The following TRAF3 variants were observed in gnomAD, a reference collection of about 807,000 sequenced individuals.
TRAF3 encodes the protein TNF receptor-associated factor 3.
In TRAF3, 13 loss-of-function variants were observed where a neutral mutation model predicts 62.3. That is an observed-to-expected ratio of 0.21 (90% CI 0.14 to 0.33). The LOEUF is 0.33. Ranked by LOEUF, TRAF3 falls within the 10% of genes least tolerant of loss-of-function variation. TRAF3 has a pLI of 1.00. For missense variants in TRAF3, 440 were observed against 741.8 expected, an observed-to-expected ratio of 0.59 and a Z score of 4.73; for synonymous variants, 269 against 283.4, an observed-to-expected ratio of 0.95 and a Z score of 0.51.
At position 102,905,718 on chromosome 14, in the gene TRAF3, A is replaced by G. The variant is rs1172689862; in HGVS notation, c.1641A>G (p.Thr547=). The G allele has an allele frequency of 1.2e-6, 2 of 1,612,488 alleles. No individual in the cohort carries two copies. The highest frequency in any genetic ancestry group is 3.3e-5 in the Admixed American group (2 of 59,932). ...FVAQTVLENG[T]YIKDDTIFIK... is the part of the protein sequence containing the mutation. ...CCCAAACTGTTCTAGAAAATGGGAC[A>G]TATATTAAAGATGATACAATTTTTA... Residue 547 remains threonine, a synonymous_variant, in exon 12 of 12, where the codon ACA becomes ACG. Transcript: ENST00000392745.
In TRAF3 at chr14:102,896,059, G is replaced by A. The variant is rs11627755; in HGVS notation, c.820-1202G>A. Among the ~76,000 whole-genome samples the A allele has an allele frequency of 7.2e-5, 11 of 152,278 alleles. 1 individual carries two copies. The highest frequency in any genetic ancestry group is 6.8e-3 in the Middle Eastern group (2 of 294). On this transcript the variant is annotated intron_variant, in intron 9 of 11. Transcript: ENST00000392745. Reference sequence around the variant, plus strand: ...GAAATAATTTAGTAGGTTGTGACCAGCATTGTTTATATTTATGGGGTACAG... The same window carrying A: ...GAAATAATTTAGTAGGTTGTGACCAACATTGTTTATATTTATGGGGTACAG...
intron 1 of TRAF3, among the ~76,000 whole-genome samples, chr14:102,786,966 C>T (rs1897536069): frequency 6.6e-6 from 1 of 152,170 alleles, no homozygotes; most frequent in African/African-American, 2.4e-5. Flanking sequence ...CATACTTCCG[C>T]ACTTTAGCCT....
chr14:102,903,472 C>T lies in TRAF3; in HGVS notation c.1135+43C>T. On this transcript the variant is annotated intron_variant, in intron 11 of 11. Coordinates refer to ENST00000392745, the MANE Select transcript of TRAF3 (RefSeq NM_145725.3). This position sits in a 1 kb window ranked among gnomAD's most constrained non-coding sequence, Gnocchi z 6.4. The stretch of plus-strand genomic sequence containing the variant: ...GCCGGGCCAGCAGTGTGCATCTGGG[C>T]CCCGGGCGAGTGCTGGGGCGGGGTC... The T allele has an allele frequency of 1.2e-6, 2 of 1,612,048 alleles. No individual in the cohort carries two copies. Among genetic ancestry groups the T allele is most frequent in the African/African-American group, 1.3e-5 (1 of 75,028 alleles).
chr14:102,797,257 C>G (rs894032648), intron 1 of TRAF3, among the ~76,000 whole-genome samples: 3 of 152,166 alleles, frequency 2.0e-5, no homozygotes, highest in Non-Finnish European at 2.9e-5. Flanking sequence ...GTCACTCAGG[C>G]TTGGAGTGAA....
Position 102,833,994 on chromosome 14 carries a change from G to A in TRAF3, c.-18+3522G>A, listed in dbSNP as rs200242786. Reference sequence around the variant, plus strand: ...ACAAAGCTAGACTTTGTCTCGGGGGGAAAAAAAAGAATATTTGGGCGTGCA... The same window carrying A: ...ACAAAGCTAGACTTTGTCTCGGGGGAAAAAAAAAGAATATTTGGGCGTGCA... On this transcript the variant is annotated intron_variant, in intron 2 of 11. Transcript: ENST00000392745. Among the ~76,000 whole-genome samples the A allele has an allele frequency of 1.3e-4, 19 of 150,106 alleles. 1 individual carries two copies. The highest frequency in any genetic ancestry group is 3.9e-4 in the African/African-American group (16 of 40,618).
At chr14:102,837,159 G>T (rs1423049898) in intron 2 of TRAF3, among the ~76,000 whole-genome samples, 3 of 150,484 alleles carry the variant, frequency 2.0e-5, no homozygotes. Flanking sequence ...TTGGGGGGGG[G>T]TGAAGGTCTT....
chr14:102,887,656 G>T (rs966901771), intron 7 of TRAF3, among the ~76,000 whole-genome samples: 1 of 151,904 alleles, frequency 6.6e-6, no homozygotes, highest in Non-Finnish European at 1.5e-5. Context: ...GTGCAGTGGC[G>T]TGATCTCGGC....
rs535949004 is a variant in TRAF3 at position 102,803,541 on chromosome 14, G to A, written c.-157+25866G>A. On this transcript the variant is annotated intron_variant, in intron 1 of 11. Coordinates refer to ENST00000392745, the MANE Select transcript of TRAF3 (RefSeq NM_145725.3). The stretch of plus-strand genomic sequence containing the variant: ...AAAATTTAGCAGTTTTAGTTATCTA[G>A]GACTATAATGGAGGTTAAGTTGGCC... Among the ~76,000 whole-genome samples, 5 of 152,208 alleles carry A rather than the reference G, an allele frequency of 3.3e-5. No individual in the cohort carries two copies. The South Asian group carries it at 1.0e-3, about 32-fold the overall frequency.
At chr14:102,885,931 G>C (rs868052155) in intron 6 of TRAF3, among the ~76,000 whole-genome samples, 11 of 152,148 alleles carry the variant, frequency 7.2e-5, no homozygotes, top group Admixed American at 2.0e-4. Context: ...CTTGTGGCGA[G>C]GCCCCCACCA....
In TRAF3 at chr14:102,826,856, G is replaced by T. The variant is rs969185479; in HGVS notation, c.-156-3478G>T. 6.6e-6 allele frequency among the ~76,000 whole-genome samples: 1 copy of T among 152,170 alleles called. No homozygotes were observed. The highest frequency in any genetic ancestry group is 2.4e-5 in the African/African-American group (1 of 41,452). On this transcript the variant is annotated intron_variant, in intron 1 of 11. Coordinates refer to ENST00000392745, the MANE Select transcript of TRAF3 (RefSeq NM_145725.3). The surrounding 1 kb of genome is among the most constrained non-coding windows in gnomAD (Gnocchi z 4.6). ...TACTTATGGGTGGCGGCGTGGTGAG[G>T]TCGCACAACACAGAGCTGCCCTGCT...
At chr14:102,858,382 A>G (rs988926554) in intron 2 of TRAF3, among the ~76,000 whole-genome samples, 3 of 152,020 alleles carry the variant, frequency 2.0e-5, no homozygotes, top group Non-Finnish European at 2.9e-5. Context: ...CGAACTCCCA[A>G]CCTCAGGTGA....
intron 2 of TRAF3, among the ~76,000 whole-genome samples, chr14:102,847,680 A>G (rs1336338587): frequency 6.6e-6 from 1 of 152,160 alleles, no homozygotes; most frequent in African/African-American, 2.4e-5. Flanking sequence ...ATGCCACTAA[A>G]AAACTTAATT....
chr14:102,812,905 C>T (rs1173374218), intron 1 of TRAF3, among the ~76,000 whole-genome samples: 2 of 151,514 alleles, frequency 1.3e-5, no homozygotes, highest in East Asian at 2.0e-4. Context: ...GGCGAAAGAG[C>T]GAGACTCCGT....
intron 9 of TRAF3, among the ~76,000 whole-genome samples, chr14:102,895,702 C>G (rs939582852): frequency 6.6e-6 from 1 of 152,194 alleles, no homozygotes; most frequent in Non-Finnish European, 1.5e-5. Context: ...AAGAAACCCT[C>G]GTTGGAGTTA....
chr14:102,842,014 GT>G (rs1180352398), intron 2 of TRAF3, among the ~76,000 whole-genome samples: 1 of 152,106 alleles, frequency 6.6e-6, no homozygotes, highest in Non-Finnish European at 1.5e-5. Flanking sequence ...GGAGGCTGAG[GT>G]GGGCAGATCA....
In TRAF3 at chr14:102,876,372, T is replaced by C; in HGVS notation, c.417T>C (p.Asn139=). The C allele has an allele frequency of 6.2e-7, 1 of 1,614,188 alleles. No homozygotes were observed. The highest frequency in any genetic ancestry group is 8.5e-7 in the Non-Finnish European group (1 of 1,180,012). The change falls in exon 6 of 12, where the codon AAT becomes AAC. Residue 139 remains asparagine, a synonymous_variant. Transcript: ENST00000392745. ...MLGHLLVHLK[N]DCHFEELPCV... ...CTGTCTTACAGGTGCATTTAAAAAA[T>C]GATTGCCATTTTGAAGAACTTCCAT...
At chr14:102,794,924 C>G (rs1279935307) in intron 1 of TRAF3, among the ~76,000 whole-genome samples, 1 of 152,052 alleles carries the variant, frequency 6.6e-6, no homozygotes, top group Non-Finnish European at 1.5e-5. Flanking sequence ...TACGTTTTTT[C>G]TTCCTATTAC....
chr14:102,789,529 C>G (rs995171147), intron 1 of TRAF3, among the ~76,000 whole-genome samples: 1 of 151,938 alleles, frequency 6.6e-6, no homozygotes, highest in Admixed American at 6.6e-5. Flanking sequence ...AACAAGGTTT[C>G]AGAGTGGCAC....
rs973830568 is a variant in TRAF3, at chr14:102,869,106, C to T, written c.-17-1079C>T. 7.2e-5 allele frequency among the ~76,000 whole-genome samples: 11 copies of T among 152,332 alleles called. No individual in the cohort carries two copies. The East Asian group carries it at 1.5e-3, about 21-fold the overall frequency. The stretch of plus-strand genomic sequence containing the variant: ...GAGCCCCCTCATGCACACAGGGAGC[C>T]GCACCTCCCTCACACGCTCCTCACC... On this transcript the variant is annotated intron_variant, in intron 2 of 11. Transcript: ENST00000392745.
Sources: allele counts gnomAD v4.1 joint callset (sites outside exome capture counted in the v4.1 genomes callset), GRCh38; gene constraint gnomAD v4.1.1; non-coding constraint Gnocchi (gnomAD v3.1); transcripts MANE v1.5; gene names NCBI Gene and HGNC (gene_info 2026-07-23, HGNC 2026-07-21).